Variants in NOA1 observed in about 807,000 individuals in gnomAD.
The protein encoded by NOA1 is nitric oxide associated 1, also known as nitric oxide-associated protein 1.
Under a neutral mutation model 58.4 loss-of-function variants are expected in NOA1, and 35 were observed. The observed-to-expected ratio is 0.60, with a 90% confidence interval of 0.46 to 0.79. NOA1 has a LOEUF of 0.79. NOA1 is among the 30% of genes least tolerant of loss of function. The pLI, the probability that NOA1 is intolerant of heterozygous loss-of-function variation, is 0.00. For missense variants in NOA1, 895 were observed against 894.6 expected (o/e 1.00, Z -0.01); for synonymous variants, 397 against 373.4 (o/e 1.06, Z -0.73).
Position 56,976,698 on chromosome 4 carries a change from G to A in NOA1, c.888C>T (p.Asp296=). 1 of 1,613,422 alleles carries A rather than the reference G, an allele frequency of 6.2e-7. No individual in the cohort carries two copies. Among genetic ancestry groups the A allele is most frequent in the South Asian group, 1.1e-5 (1 of 91,070 alleles). ...PQRPVKDEPQ[D]GENPNPPNWS... ...AGTTCGGCGGATTCGGATTCTCCCC[G>A]TCCTGTGGCTCGTCCTTGACGGGGC... The change falls in exon 1 of 7, where the codon GAC becomes GAT. Residue 296 remains aspartate, a synonymous_variant. Transcript: ENST00000264230.
chr4:56,975,111 C>T (rs2109621007), intron 1 of NOA1, among the ~76,000 whole-genome samples: 1 of 152,108 alleles, frequency 6.6e-6, no homozygotes, highest in African/African-American at 2.4e-5. Flanking sequence ...GCCACCTCAA[C>T]CTTCCAGGCT....
intron 3 of NOA1, among the ~76,000 whole-genome samples, chr4:56,969,250 C>T (rs1345911276): frequency 1.1e-4 from 17 of 152,134 alleles, no homozygotes; most frequent in African/African-American, 3.6e-4. Flanking sequence ...AAAGAAGGTA[C>T]AAATTGGACA....
Position 56,977,582 on chromosome 4 carries a change from G to C in NOA1, c.4C>G (p.Leu2Val), listed in dbSNP as rs1489433575. The C allele has an allele frequency of 6.3e-7, 1 of 1,576,616 alleles. No individual in the cohort carries two copies. The highest frequency in any genetic ancestry group is 1.4e-5 in the African/African-American group (1 of 73,860). MLPARLPFRLLS... is the reference protein window; with the variant it reads MVPARLPFRLLS... ...AGCCTGAACGGTAGGCGAGCGGGCAGCATGAGGAAGTAGCTCCAAAGGGGC... is the reference window on the plus strand; with the variant it reads ...AGCCTGAACGGTAGGCGAGCGGGCACCATGAGGAAGTAGCTCCAAAGGGGC... Residue 2 changes from leucine (L) to valine (V), a missense_variant, in exon 1 of 7, where the codon CTG (leucine) becomes GTG (valine). Leu to Val is a conservative substitution (Grantham distance 32). Transcript: ENST00000264230.
At position 56,976,527 on chromosome 4, in the gene NOA1, A is replaced by C. The variant is rs765727564; in HGVS notation, c.1059T>G (p.Thr353=). ...LVGATNAGKS[T]LFNTLLESDY... Reference sequence around the variant, plus strand: ...CGGACTCCAGGAGCGTGTTAAAGAGAGTGGATTTGCCGGCGTTGGTGGCGC... The same window carrying C: ...CGGACTCCAGGAGCGTGTTAAAGAGCGTGGATTTGCCGGCGTTGGTGGCGC... The change falls in exon 1 of 7, where the codon ACT becomes ACG. Residue 353 remains threonine, a synonymous_variant. Transcript: ENST00000264230. The C allele has an allele frequency of 6.2e-7, 1 of 1,614,100 alleles. No homozygotes were observed. Among genetic ancestry groups the C allele is most frequent in the Non-Finnish European group, 8.5e-7 (1 of 1,180,012 alleles).
chr4:56,970,885 G>A (rs1337338256), intron 3 of NOA1, among the ~76,000 whole-genome samples: 3 of 152,150 alleles, frequency 2.0e-5, no homozygotes, highest in African/African-American at 7.2e-5. Flanking sequence ...GCTGACAGAC[G>A]TTTATATCTA....
rs201263284 is a variant in NOA1, at chr4:56,963,490, A to G, written c.2057T>C (p.Met686Thr). 9.7e-5 allele frequency: 157 copies of G among 1,614,136 alleles called. No individual in the cohort carries two copies. The highest frequency in any genetic ancestry group is 1.7e-4 in the African/African-American group (13 of 75,038). Residue 686 changes from methionine (M) to threonine (T), a missense_variant, in exon 7 of 7, where the codon ATG becomes ACG. Met to Thr is a moderately conservative substitution (Grantham distance 81). Around this residue, in one of 3 missense-constraint regions of NOA1, gnomAD observed 212 missense variants for 221.3 expected, o/e 0.96. Transcript: ENST00000264230. ...TCCTTTCTTCTTCCTCACGTTGTAC[A>G]TAAGGGAAGGAGGCTTCTTGGTTTT... ...AYKTKKPPSLMYNVRKKKGKI... is the reference protein window; with the variant it reads ...AYKTKKPPSLTYNVRKKKGKI...
intron 4 of NOA1, 105 bp from the exon 5 acceptor site, chr4:56,966,841 A>G (rs1028697293): frequency 6.9e-6 from 5 of 720,544 alleles, no homozygotes; most frequent in African/African-American, 5.3e-5. Context: ...CAAAAACCCA[A>G]TCAGACTCCC....
At position 56,973,309 on chromosome 4, in the gene NOA1, T is replaced by C; in HGVS notation, c.1354A>G (p.Asn452Asp). ...TCAGCATCAAACTCAAAGGGAATGT[T>C]ATCCTTCTGTTCTTCTGAATACAAG... is the stretch of plus-strand genomic sequence containing the variant. ...TFLYSEEQKD[N>D]IPFEFDADSL... The change falls in exon 3 of 7, where the codon AAC becomes GAC. Residue 452 changes from asparagine (N) to aspartate (D), a missense_variant. Physicochemically the swap from Asn to Asp is conservative, Grantham distance 23. Coordinates refer to ENST00000264230, the MANE Select transcript of NOA1 (RefSeq NM_032313.4). 1 of 1,614,148 alleles carries C rather than the reference T, an allele frequency of 6.2e-7. No homozygotes were observed. The highest frequency in any genetic ancestry group is 8.5e-7 in the Non-Finnish European group (1 of 1,180,026).
At position 56,977,504 on chromosome 4, in the gene NOA1, G is replaced by A; in HGVS notation, c.82C>T (p.Arg28Trp). Reference protein sequence around the residue: ...SAPTAARHGLREPLLERRCAA... With the variant: ...SAPTAARHGLWEPLLERRCAA... Reference sequence around the variant, plus strand: ...CACCTCCTCTCCAGGAGCGGCTCCCGGAGGCCATGGCGCGCTGCCGTGGGA... The same window carrying A: ...CACCTCCTCTCCAGGAGCGGCTCCCAGAGGCCATGGCGCGCTGCCGTGGGA... Residue 28 changes from arginine (R) to tryptophan (W), a missense_variant, in exon 1 of 7, where the codon CGG becomes TGG. By Grantham distance (101) the Arg-to-Trp change is moderately radical (BLOSUM62 -3). Coordinates refer to ENST00000264230, the MANE Select transcript of NOA1 (RefSeq NM_032313.4). 6.2e-7 allele frequency: 1 copy of A among 1,613,538 alleles called. No individual in the cohort carries two copies. The highest frequency in any genetic ancestry group is 8.5e-7 in the Non-Finnish European group (1 of 1,179,940).
At position 56,963,545 on chromosome 4, in the gene NOA1, C is replaced by T; in HGVS notation, c.2002G>A (p.Gly668Arg). Residue 668 changes from glycine (G) to arginine (R), a missense_variant, in exon 7 of 7, where the codon GGA becomes AGA. Physicochemically the swap from Gly to Arg is moderately radical, Grantham distance 125. Around this residue, in one of 3 missense-constraint regions of NOA1, gnomAD observed 212 missense variants for 221.3 expected, o/e 0.96. Coordinates refer to ENST00000264230, the MANE Select transcript of NOA1 (RefSeq NM_032313.4). ...GCCACACTTTTCTTGATGCGCTGTC[C>T]TTTGATGTTAACAATATATGGCAAG... ...PLLPYIVNIK[G>R]QRIKKSVAYK... 6.2e-7 allele frequency: 1 copy of T among 1,613,946 alleles called. No homozygotes were observed. Among genetic ancestry groups the T allele is most frequent in the Non-Finnish European group, 8.5e-7 (1 of 1,179,994 alleles).
chr4:56,974,173 C>T, intron 1 of NOA1, 151 bp from the exon 2 acceptor site: 1 of 622,784 alleles, frequency 1.6e-6, no homozygotes, highest in Non-Finnish European at 2.7e-6. Flanking sequence ...GAGATTAGTT[C>T]ACAGGGGAAA....
chr4:56,973,787 T>C, intron 2 of NOA1, 71 bp downstream of exon 2: 1 of 1,479,002 alleles, frequency 6.8e-7, no homozygotes, highest in Non-Finnish European at 9.3e-7. Flanking sequence ...CTCGGACAGC[T>C]GTATTTCAGG....
intron 1 of NOA1, 67 bp downstream of exon 1, chr4:56,976,375 G>C (rs1052099851): frequency 7.1e-7 from 1 of 1,407,760 alleles, no homozygotes; most frequent in Admixed American, 2.1e-5. Flanking sequence ...GATGTACTCG[G>C]TGCCTCGGCC....
At chr4:56,965,970 G>A (rs1163317791) in intron 5 of NOA1, among the ~76,000 whole-genome samples, 1 of 150,374 alleles carries the variant, frequency 6.7e-6, no homozygotes, top group Non-Finnish European at 1.5e-5. Flanking sequence ...TCGAGGAGCT[G>A]GGATTACAGG....
intron 1 of NOA1, among the ~76,000 whole-genome samples, chr4:56,976,037 A>C (rs1340615189): frequency 6.6e-6 from 1 of 152,172 alleles, no homozygotes; most frequent in Non-Finnish European, 1.5e-5. Flanking sequence ...ACAGAGTGAG[A>C]CTCTGTCTCC....
In NOA1 at chr4:56,963,470, T is replaced by C. The variant is rs1187071703; in HGVS notation, c.2077A>G (p.Lys693Glu). 6.2e-7 allele frequency: 1 copy of C among 1,613,926 alleles called. No homozygotes were observed. Among genetic ancestry groups the C allele is most frequent in the Non-Finnish European group, 8.5e-7 (1 of 1,179,884 alleles). Residue 693 changes from lysine (K) to glutamate (E), a missense_variant, in exon 7 of 7, where the codon AAA becomes GAA. By Grantham distance (56) the Lys-to-Glu change is moderately conservative (BLOSUM62 1). Around this residue, in one of 3 missense-constraint regions of NOA1, gnomAD observed 212 missense variants for 221.3 expected, o/e 0.96. Transcript: ENST00000264230. ...PSLMYNVRKK[K>E]GKINV ...CGGTCTCATACATTTATCTTTCCTTTCTTCTTCCTCACGTTGTACATAAGG... is the reference window on the plus strand; with the variant it reads ...CGGTCTCATACATTTATCTTTCCTTCCTTCTTCCTCACGTTGTACATAAGG...
chr4:56,969,519 C>T (rs550029223), intron 3 of NOA1, among the ~76,000 whole-genome samples: 1 of 152,230 alleles, frequency 6.6e-6, no homozygotes, highest in African/African-American at 2.4e-5. Flanking sequence ...TTGTGGTGAG[C>T]CGAGATTGCA....
chr4:56,976,036 G>C (rs570089179), intron 1 of NOA1, among the ~76,000 whole-genome samples: 10 of 152,324 alleles, frequency 6.6e-5, no homozygotes, highest in African/African-American at 2.2e-4. Context: ...GACAGAGTGA[G>C]ACTCTGTCTC....
rs775128798 is a variant in NOA1, at chr4:56,964,480, A to C, written c.1811T>G (p.Val604Gly). Residue 604 changes from valine (V) to glycine (G), a missense_variant, in exon 6 of 7, where the codon GTT becomes GGT. Val to Gly is a moderately radical substitution (Grantham distance 109). This residue lies in a region of NOA1 where 212 missense variants were observed against 221.3 expected (regional missense o/e 0.96). Transcript: ENST00000264230. ...KERMAGFPPL[V>G]AEDIMLKEGL... ...TTCTTTTAACATAATGTCTTCAGCAACAAGAGGAGGAAATCCTGCCATTCG... is the reference window on the plus strand; with the variant it reads ...TTCTTTTAACATAATGTCTTCAGCACCAAGAGGAGGAAATCCTGCCATTCG... 5.0e-6 allele frequency: 8 copies of C among 1,614,200 alleles called. No homozygotes were observed. In the South Asian group the frequency reaches 6.6e-5, roughly 13 times the overall value.
Sources: gnomAD v4.1 joint callset for allele counts (sites outside exome capture counted in the v4.1 genomes callset) on GRCh38, gnomAD v4.1.1 for gene constraint, gnomAD v4.1.1 regional missense constraint, MANE v1.5 for transcripts, NCBI Gene and HGNC (gene_info 2026-07-23, HGNC 2026-07-21) for gene names.